Variants in DKKL1 observed in about 807,000 individuals in gnomAD.
DKKL1 encodes the protein dickkopf-like protein 1.
In DKKL1, 11 loss-of-function variants were observed where a neutral mutation model predicts 16.5. The observed-to-expected ratio is 0.67, with a 90% CI of 0.42 to 1.10. The LOEUF (loss-of-function observed/expected upper bound fraction) is 1.10, where lower values mean the gene tolerates loss of function less well. Among genes scored for constraint, DKKL1 ranks in the 50% least tolerant of loss-of-function variants. DKKL1 has a pLI of 0.00. For synonymous variants in DKKL1, 119 were observed against 133.2 expected (o/e 0.89, Z 0.73); for missense variants, 320 against 308.1 (o/e 1.04, Z -0.29).
At chr19:49,362,057 A>C (rs116040813), upstream of DKKL1, among the ~76,000 whole-genome samples, 5,241 of 152,124 alleles carry the variant, frequency 0.034, 283 homozygotes, top group African/African-American at 0.12. Context: ...AGATTACACA[A>C]GGGGTCCTTC....
chr19:49,373,235 A>G (rs1473110633), intron 4 of DKKL1, among the ~76,000 whole-genome samples: 3 of 148,782 alleles, frequency 2.0e-5, no homozygotes, highest in Non-Finnish European at 4.5e-5. Context: ...CCCAGGAGGC[A>G]GAGGCTGCAG....
At chr19:49,364,101 AC>A in intron 1 of DKKL1, 93 bp downstream of exon 1, 1 of 1,539,886 alleles carries the variant, frequency 6.5e-7, no homozygotes, top group Non-Finnish European at 8.8e-7. Flanking sequence ...TGCAATCCCA[AC>A]ACTTTGGGAG....
At chr19:49,364,804 G>C (rs1269617999) in intron 2 of DKKL1, 50 bp downstream of exon 2, 2 of 1,583,982 alleles carry the variant, frequency 1.3e-6, no homozygotes, top group Admixed American at 1.7e-5. Context: ...AGAGGTTCAG[G>C]GACACAGAGT....
chr19:49,364,834 G>T, intron 2 of DKKL1, 80 bp downstream of exon 2: 1 of 1,533,276 alleles, frequency 6.5e-7, no homozygotes, highest in Non-Finnish European at 8.8e-7. Context: ...TTCAGGGCCA[G>T]GCAGGGGGAC....
At chr19:49,364,539 G>C in intron 1 of DKKL1, 43 bp from the exon 2 acceptor site, 1 of 1,557,446 alleles carries the variant, frequency 6.4e-7, no homozygotes, top group Non-Finnish European at 8.7e-7. Flanking sequence ...TTGGGTGGGG[G>C]CGTGGCCACT....
chr19:49,364,077 C>T, intron 1 of DKKL1, 69 bp downstream of exon 1: 1 of 1,591,130 alleles, frequency 6.3e-7, no homozygotes, highest in Non-Finnish European at 8.6e-7. Context: ...AGGCCGGGTG[C>T]TGTGGCTTAC....
intron 4 of DKKL1, among the ~76,000 whole-genome samples, chr19:49,367,166 A>G (rs1973284906): frequency 6.6e-6 from 1 of 151,978 alleles, no homozygotes; most frequent in African/African-American, 2.4e-5. Flanking sequence ...AGATGGGACT[A>G]CAAGTACGTG....
intron 4 of DKKL1, chr19:49,370,393 T>C (rs1973432352): frequency 6.6e-6 from 1 of 151,374 alleles, no homozygotes; most frequent in Admixed American, 6.6e-5. Flanking sequence ...AAAGAAAAAG[T>C]TCCCACAGAG....
intron 4 of DKKL1, among the ~76,000 whole-genome samples, chr19:49,372,345 G>C (rs889100842): frequency 6.6e-6 from 1 of 151,982 alleles, no homozygotes; most frequent in Non-Finnish European, 1.5e-5. Context: ...CGGATCATGA[G>C]GTCAGGAGTT....
chr19:49,361,141 A>G (rs1231020821), upstream of DKKL1, among the ~76,000 whole-genome samples: 33 of 62,062 alleles, frequency 5.3e-4, no homozygotes, highest in Middle Eastern at 0.017. Flanking sequence ...GACCAGAAAG[A>G]GGGGGACAGA....
intron 4 of DKKL1, among the ~76,000 whole-genome samples, chr19:49,367,223 CGCCATGTTG>C (rs146155633): frequency 0.034 from 5,208 of 151,054 alleles, 275 homozygotes; most frequent in African/African-American, 0.12. Context: ...GACAGGGTTT[CGCCATGTTG>C]GCCATGTTGG....
At chr19:49,371,437 A>C (rs920785507) in intron 4 of DKKL1, among the ~76,000 whole-genome samples, 4 of 152,274 alleles carry the variant, frequency 2.6e-5, no homozygotes, top group Admixed American at 2.0e-4. Context: ...CATCATAGTT[A>C]CATTTTATTA....
intron 2 of DKKL1, 77 bp from the exon 3 acceptor site, chr19:49,365,432 C>T (rs1422701010): frequency 3.7e-5 from 55 of 1,477,794 alleles, no homozygotes; most frequent in Non-Finnish European, 5.4e-6. Flanking sequence ...TCGGGAGCAT[C>T]CTAGCAGGGC....
Position 49,375,087 on chromosome 19 carries a change from T to C in DKKL1, c.*59T>C, listed in dbSNP as rs534289186. 331 of 1,498,076 alleles carry C rather than the reference T, an allele frequency of 2.2e-4. 1 individual carries two copies. In the African/African-American group the frequency reaches 4.2e-3, roughly 19 times the overall value. The allele number at this position is 1,498,076 out of a possible 1,614,324, so 92.8% of individuals were successfully genotyped here. A position where few individuals can be genotyped will look rare whatever the true frequency, so the allele number is the denominator to read the frequency against. On this transcript the variant is annotated 3_prime_UTR_variant, in exon 5 of 5. Coordinates refer to ENST00000221498, the MANE Select transcript of DKKL1 (RefSeq NM_014419.4). Reference sequence around the variant, plus strand: ...CCATCAGACCCTGCCCCAAGCACCATATGGAAATAAAGTTCTTTCTTACAT... The same window carrying C: ...CCATCAGACCCTGCCCCAAGCACCACATGGAAATAAAGTTCTTTCTTACAT...
chr19:49,364,777 G>A (rs147276980), intron 2 of DKKL1, 23 bp downstream of exon 2: 3 of 1,606,676 alleles, frequency 1.9e-6, no homozygotes, highest in Non-Finnish European at 2.6e-6. Flanking sequence ...GGGGGGATGG[G>A]GGAAGAAGTA....
chr19:49,367,691 C>T (rs999597732), intron 4 of DKKL1, among the ~76,000 whole-genome samples: 1 of 152,162 alleles, frequency 6.6e-6, no homozygotes, highest in South Asian at 2.1e-4. Context: ...TAGGCGTGAG[C>T]CACCATGCCT....
intron 4 of DKKL1, among the ~76,000 whole-genome samples, chr19:49,374,431 C>T (rs1973640488): frequency 6.6e-6 from 1 of 152,180 alleles, no homozygotes; most frequent in Non-Finnish European, 1.5e-5. Context: ...AGGATTTAAT[C>T]CTAAAGTGCT....
rs894246649 is a variant in DKKL1, at chr19:49,365,602, C to A, written c.277C>A (p.His93Asn). 2 of 1,613,748 alleles carry A rather than the reference C, an allele frequency of 1.2e-6. No individual in the cohort carries two copies. Among genetic ancestry groups the A allele is most frequent in the Non-Finnish European group, 1.7e-6 (2 of 1,179,870 alleles). Residue 93 changes from histidine (H) to asparagine (N), a missense_variant, in exon 3 of 5, where the codon CAC (histidine) becomes AAC (asparagine). Physicochemically the swap from His to Asn is moderately conservative, Grantham distance 68. Coordinates refer to ENST00000221498, the MANE Select transcript of DKKL1 (RefSeq NM_014419.4). ...GNYHKEENQE[H>N]QLGNNTLSSH... ...CTACCACAAAGAGGAGAACCAGGAG[C>A]ACCAGCTGGGGAACAACACCCTCTC... is the stretch of plus-strand genomic sequence containing the variant.
At chr19:49,361,127 C>T (rs1295741275), upstream of DKKL1, among the ~76,000 whole-genome samples, 4 of 97,372 alleles carry the variant, frequency 4.1e-5, no homozygotes, top group Non-Finnish European at 7.4e-5. Context: ...GAGGGGGAGA[C>T]AGAGACCAGA....
Sources: allele counts gnomAD v4.1 joint callset (sites outside exome capture counted in the v4.1 genomes callset), GRCh38; gene constraint gnomAD v4.1.1; transcripts MANE v1.5; gene names NCBI Gene and HGNC (gene_info 2026-07-23, HGNC 2026-07-21).